Variants in CSMD3 observed in about 807,000 individuals in gnomAD.
CSMD3 encodes the protein CUB and Sushi multiple domains 3.
In CSMD3, 177 loss-of-function variants were observed where a neutral mutation model predicts 435.2. The ratio of observed to expected loss-of-function variants is 0.41; its 90% CI spans 0.36 to 0.46. The LOEUF is 0.46. Among genes scored for constraint, CSMD3 ranks in the 20% least tolerant of loss-of-function variants. The pLI, the probability that CSMD3 is intolerant of heterozygous loss-of-function variation, is 0.34. For synonymous variants in CSMD3, 1,656 were observed against 1,520.5 expected (o/e 1.09, Z -2.07); for missense variants, 4,265 against 4,504.6 (o/e 0.95, Z 1.52).
chr8:112,920,997 GCACACACACA>G (rs747366512), intron 10 of CSMD3, among the ~76,000 whole-genome samples: 63 of 114,976 alleles, frequency 5.5e-4, no homozygotes, highest in African/African-American at 1.6e-3. Flanking sequence ...ACGCGCGCGC[GCACACACACA>G]CACACACACA....
chr8:113,068,962 T>C (rs905818042), intron 5 of CSMD3, among the ~76,000 whole-genome samples: 3 of 152,042 alleles, frequency 2.0e-5, no homozygotes, highest in Non-Finnish European at 4.4e-5. Context: ...TATTTAATTC[T>C]GTATAAGGAT....
At chr8:112,849,620 T>G (rs1472814873) in intron 11 of CSMD3, among the ~76,000 whole-genome samples, 1 of 151,878 alleles carries the variant, frequency 6.6e-6, no homozygotes, top group Non-Finnish European at 1.5e-5. Flanking sequence ...TATAGTGGAA[T>G]GTGCTAGAAT....
At chr8:112,331,482 G>A (rs569224873) in intron 45 of CSMD3, among the ~76,000 whole-genome samples, 80 of 151,984 alleles carry the variant, frequency 5.3e-4, no homozygotes, top group African/African-American at 1.7e-3. Flanking sequence ...ATCATAAAAG[G>A]CTTTACGAAG....
At chr8:112,412,495 C>T (rs1217481368) in intron 32 of CSMD3, among the ~76,000 whole-genome samples, 1 of 152,080 alleles carries the variant, frequency 6.6e-6, no homozygotes, top group Non-Finnish European at 1.5e-5. Context: ...AAGCTGTATA[C>T]ATCAAGCTAT....
intron 31 of CSMD3, among the ~76,000 whole-genome samples, chr8:112,478,774 G>A (rs982539744): frequency 4.6e-5 from 7 of 152,130 alleles, no homozygotes; most frequent in East Asian, 1.9e-4. Flanking sequence ...GATGAAACCC[G>A]CGACCCAGAG....
chr8:112,749,128 A>G (rs753822813), intron 13 of CSMD3, among the ~76,000 whole-genome samples: 1 of 151,954 alleles, frequency 6.6e-6, no homozygotes, highest in Non-Finnish European at 1.5e-5. Context: ...TATCGGCCGT[A>G]TGTATGTCTT....
intron 13 of CSMD3, among the ~76,000 whole-genome samples, chr8:112,799,594 C>T (rs2078913289): frequency 6.6e-6 from 1 of 151,860 alleles, no homozygotes. Flanking sequence ...TATCTATGAC[C>T]TCACATGCTT....
chr8:113,404,289 G>A (rs1423749379), intron 1 of CSMD3, among the ~76,000 whole-genome samples: 1 of 151,388 alleles, frequency 6.6e-6, no homozygotes, highest in Non-Finnish European at 1.5e-5. Flanking sequence ...ATGGCTTGAT[G>A]TATAACAGGA....
At chr8:113,293,014 A>T (rs889849224) in intron 2 of CSMD3, among the ~76,000 whole-genome samples, 1 of 151,828 alleles carries the variant, frequency 6.6e-6, no homozygotes, top group African/African-American at 2.4e-5. Flanking sequence ...TTCCTTCTAA[A>T]CACATTATCT....
intron 20 of CSMD3, among the ~76,000 whole-genome samples, chr8:112,642,027 A>C (rs1027686649): frequency 9.2e-5 from 14 of 152,062 alleles, no homozygotes; most frequent in Non-Finnish European, 1.6e-4. Context: ...CAATATCGTA[A>C]TTACTTCTAG....
chr8:112,399,170 G>A (rs1459182861), intron 35 of CSMD3, among the ~76,000 whole-genome samples: 3 of 151,860 alleles, frequency 2.0e-5, no homozygotes, highest in Non-Finnish European at 2.9e-5. Context: ...CACCCGCCTC[G>A]GCTAAACTCT....
At chr8:112,926,916 TTAACCC>T (rs2082929290) in intron 9 of CSMD3, among the ~76,000 whole-genome samples, 1 of 152,116 alleles carries the variant, frequency 6.6e-6, no homozygotes, top group African/African-American at 2.4e-5. Context: ...ATGCAGAAAT[TTAACCC>T]TAAGTAGCAG....
At chr8:112,785,715 T>A (rs952196757) in intron 13 of CSMD3, among the ~76,000 whole-genome samples, 1 of 151,964 alleles carries the variant, frequency 6.6e-6, no homozygotes, top group Non-Finnish European at 1.5e-5. Context: ...TACCTAGGAA[T>A]AAATTTAATC....
intron 13 of CSMD3, among the ~76,000 whole-genome samples, chr8:112,788,557 T>C (rs2132278508): frequency 6.6e-6 from 1 of 152,242 alleles, no homozygotes; most frequent in East Asian, 1.9e-4. Flanking sequence ...TGTTTTTCAT[T>C]TTTAGTATTA....
chr8:112,813,143 T>C (rs2079275381), intron 12 of CSMD3, among the ~76,000 whole-genome samples: 2 of 152,088 alleles, frequency 1.3e-5, no homozygotes, highest in African/African-American at 2.4e-5. Flanking sequence ...CAGTGAGTGA[T>C]AGAGACATGG....
chr8:112,347,963 T>C (rs1441654647), intron 40 of CSMD3, among the ~76,000 whole-genome samples: 2 of 152,174 alleles, frequency 1.3e-5, no homozygotes, highest in Non-Finnish European at 2.9e-5. Flanking sequence ...TTACTTTCTA[T>C]CTCTTTAGAT....
At chr8:112,612,521 G>A (rs889642792) in intron 22 of CSMD3, among the ~76,000 whole-genome samples, 16 of 152,096 alleles carry the variant, frequency 1.1e-4, no homozygotes, top group South Asian at 4.1e-4. Flanking sequence ...GCTGGAGAAC[G>A]GCAAGCAGAC....
intron 11 of CSMD3, among the ~76,000 whole-genome samples, chr8:112,833,275 T>C (rs889535013): frequency 1.3e-5 from 2 of 152,090 alleles, no homozygotes; most frequent in South Asian, 4.1e-4. Flanking sequence ...TGAATATCCC[T>C]ACACACAAGC....
chr8:113,152,237 T>C (rs1366319011), intron 4 of CSMD3, among the ~76,000 whole-genome samples: 1 of 151,934 alleles, frequency 6.6e-6, no homozygotes, highest in Admixed American at 6.6e-5. Flanking sequence ...ATCACACTAC[T>C]GAGTAAACAG....
Sources: allele counts gnomAD v4.1 joint callset (sites outside exome capture counted in the v4.1 genomes callset), GRCh38; gene constraint gnomAD v4.1.1; transcripts MANE v1.5; gene names NCBI Gene and HGNC (gene_info 2026-07-23, HGNC 2026-07-21).